Variants in FAM227B observed in about 807,000 individuals in gnomAD.
The protein encoded by FAM227B is family with sequence similarity 227 member B, also known as protein FAM227B.
Under a neutral mutation model 73.8 loss-of-function variants are expected in FAM227B, and 88 were observed. That is an observed-to-expected ratio of 1.19 (90% CI 1.00 to 1.42). The LOEUF (loss-of-function observed/expected upper bound fraction) is 1.42. FAM227B is among the 40% of genes most tolerant of loss of function. The pLI is 0.00. For missense variants in FAM227B, 632 were observed against 590.9 expected (o/e 1.07, Z -0.72); for synonymous variants, 210 against 190.5 (o/e 1.10, Z -0.84).
chr15:49,489,864 A>ATATATATATATTT (rs1555504984), intron 11 of FAM227B, among the ~76,000 whole-genome samples: 1 of 8,952 alleles, frequency 1.1e-4, no homozygotes, highest in African/African-American at 2.8e-4. Context: ...TATATTTTAT[A>ATATATATATATTT]TATATATATA....
At chr15:49,420,851 G>A (rs1449375764) in intron 11 of FAM227B, among the ~76,000 whole-genome samples, 1 of 151,980 alleles carries the variant, frequency 6.6e-6, no homozygotes, top group Admixed American at 6.6e-5. Context: ...GACTACAGGC[G>A]CCCGCTACCA....
chr15:49,604,743 T>C (rs561163713), intron 3 of FAM227B, among the ~76,000 whole-genome samples: 2 of 151,962 alleles, frequency 1.3e-5, no homozygotes, highest in South Asian at 4.1e-4. Context: ...TTTTTCATTC[T>C]ATGTTTTTGT....
intron 11 of FAM227B, among the ~76,000 whole-genome samples, chr15:49,457,781 TACATTATATTAGAGA>T (rs1349925488): frequency 6.6e-6 from 1 of 151,968 alleles, no homozygotes; most frequent in Admixed American, 6.6e-5. Context: ...AATTGATTAA[TACATTATATTAGAGA>T]ATAGGAATTT....
intron 11 of FAM227B, among the ~76,000 whole-genome samples, chr15:49,482,541 T>C (rs911355516): frequency 1.3e-5 from 2 of 152,056 alleles, no homozygotes; most frequent in African/African-American, 4.8e-5. Context: ...TTCTTCACTT[T>C]CAGTATATTC....
intron 15 of FAM227B, 115 bp from the exon 16 acceptor site, chr15:49,328,790 G>C: frequency 7.8e-7 from 1 of 1,288,064 alleles, no homozygotes; most frequent in African/African-American, 1.6e-5. Flanking sequence ...TTTTTTTTTT[G>C]ACAAAAGGAG....
At chr15:49,481,512 G>A (rs953685711) in intron 11 of FAM227B, among the ~76,000 whole-genome samples, 1 of 152,168 alleles carries the variant, frequency 6.6e-6, no homozygotes, top group Non-Finnish European at 1.5e-5. Context: ...AAGATGTGTT[G>A]AACGTTACAT....
intron 9 of FAM227B, among the ~76,000 whole-genome samples, chr15:49,561,862 A>C (rs2074288542): frequency 6.6e-6 from 1 of 152,172 alleles, no homozygotes; most frequent in South Asian, 2.1e-4. Flanking sequence ...TTAAGAGCAA[A>C]GTTGATAGCA....
At chr15:49,548,252 T>G (rs1567547903) in intron 9 of FAM227B, among the ~76,000 whole-genome samples, 1 of 152,306 alleles carries the variant, frequency 6.6e-6, no homozygotes, top group East Asian at 1.9e-4. Flanking sequence ...TATCAAATGC[T>G]TTTTTTCAGC....
intron 11 of FAM227B, chr15:49,396,301 C>T (rs537204895): frequency 3.0e-4 from 120 of 400,884 alleles, no homozygotes; most frequent in Middle Eastern, 1.6e-3. Context: ...GCTTAAAAAG[C>T]GGCGCACCAC....
chr15:49,539,076 C>T (rs975970830), intron 10 of FAM227B, among the ~76,000 whole-genome samples: 6 of 152,020 alleles, frequency 3.9e-5, no homozygotes, highest in African/African-American at 1.5e-4. Context: ...AATTTACATG[C>T]TGGTTTTGGT....
chr15:49,576,755 CTTT>C lies in FAM227B; in HGVS notation c.529_531del (p.Lys177del). Reference sequence around the variant, plus strand: ...TATTTACATACATCAAAATTATGGGCTTTTAAAATAAAAAGATAAATTTGTTCA... The same window carrying C: ...TATTTACATACATCAAAATTATGGGCTAAAATAAAAAGATAAATTTGTTCA... On this transcript the variant is annotated inframe_deletion, in exon 7 of 16. Transcript: ENST00000299338. The C allele has an allele frequency of 6.3e-7, 1 of 1,582,646 alleles. No homozygotes were observed. The highest frequency in any genetic ancestry group is 8.7e-7 in the Non-Finnish European group (1 of 1,152,408).
intron 2 of FAM227B, among the ~76,000 whole-genome samples, chr15:49,613,311 A>G (rs961387227): frequency 1.3e-5 from 2 of 152,172 alleles, no homozygotes; most frequent in Non-Finnish European, 1.5e-5. Context: ...GGTCAACAGT[A>G]CAAGAGACCA....
At chr15:49,523,888 T>C (rs1439866970) in intron 10 of FAM227B, among the ~76,000 whole-genome samples, 2 of 152,152 alleles carry the variant, frequency 1.3e-5, no homozygotes, top group Admixed American at 1.3e-4. Flanking sequence ...GCCCTAGAGA[T>C]CTGTGGAACT....
intron 13 of FAM227B, among the ~76,000 whole-genome samples, chr15:49,336,281 C>G (rs2039699381): frequency 6.6e-6 from 1 of 152,228 alleles, no homozygotes; most frequent in Admixed American, 6.5e-5. Flanking sequence ...TTCCTCTGTC[C>G]TGTCTGTTTC....
intron 5 of FAM227B, among the ~76,000 whole-genome samples, chr15:49,582,545 G>A (rs1015561921): frequency 7.9e-5 from 12 of 152,112 alleles, no homozygotes; most frequent in African/African-American, 2.6e-4. Flanking sequence ...CTTTTAACAC[G>A]CCACTGACAA....
At chr15:49,542,760 T>A (rs919694829) in intron 9 of FAM227B, among the ~76,000 whole-genome samples, 3 of 150,548 alleles carry the variant, frequency 2.0e-5, no homozygotes, top group African/African-American at 4.9e-5. Context: ...TTAATATTTT[T>A]AACTTTTATT....
intron 11 of FAM227B, 138 bp downstream of exon 11, chr15:49,508,073 A>G: frequency 1.2e-6 from 1 of 850,500 alleles, no homozygotes; most frequent in South Asian, 1.8e-5. Context: ...GTGTACCACT[A>G]TAACATCAAT....
At chr15:49,552,345 G>A (rs2073130645) in intron 9 of FAM227B, among the ~76,000 whole-genome samples, 1 of 151,878 alleles carries the variant, frequency 6.6e-6, no homozygotes, top group Non-Finnish European at 1.5e-5. Context: ...TGAAAAGACT[G>A]CTGCCAGATG....
chr15:49,609,123 A>C (rs1013659392), intron 3 of FAM227B, among the ~76,000 whole-genome samples: 12 of 151,904 alleles, frequency 7.9e-5, no homozygotes, highest in Non-Finnish European at 1.6e-4. Flanking sequence ...GAATAGGATA[A>C]GTAAGAGAGC....
Sources: allele counts gnomAD v4.1 joint callset (sites outside exome capture counted in the v4.1 genomes callset), GRCh38; gene constraint gnomAD v4.1.1; transcripts MANE v1.5; gene names NCBI Gene and HGNC (gene_info 2026-07-23, HGNC 2026-07-21).